The following ZBTB2 variants were observed in gnomAD, a reference collection of about 807,000 sequenced individuals.
ZBTB2 encodes the protein zinc finger and BTB domain-containing protein 2.
A neutral mutation model predicts 39.5 loss-of-function variants in ZBTB2; 2 were observed. That is an observed-to-expected ratio of 0.05 (90% CI 0.02 to 0.16). ZBTB2 has a LOEUF of 0.16. ZBTB2 is among the 10% of genes least tolerant of loss of function. The probability of loss-of-function intolerance (pLI) is 1.00; values close to 1 mark genes in which losing one functional copy is unlikely to be tolerated. For missense variants in ZBTB2, 391 were observed against 653.0 expected, an observed-to-expected ratio of 0.60 and a Z score of 4.37; for synonymous variants, 251 against 256.6, an observed-to-expected ratio of 0.98 and a Z score of 0.21.
chr6:151,384,629 A>G (rs552665424), intron 1 of ZBTB2, among the ~76,000 whole-genome samples: 74 of 152,164 alleles, frequency 4.9e-4, no homozygotes, highest in African/African-American at 1.7e-3. Flanking sequence ...GCCCTCCAAC[A>G]GGAGGGAACA....
chr6:151,366,529 C>T lies in ZBTB2; in HGVS notation c.537G>A (p.Gln179=), dbSNP rs372893716. The change falls in exon 3 of 3, where the codon CAG becomes CAA. Residue 179 remains glutamine (Q), a synonymous_variant. Coordinates refer to ENST00000325144, the MANE Select transcript of ZBTB2 (RefSeq NM_020861.3). The surrounding 1 kb of genome is among the most constrained non-coding windows in gnomAD (Gnocchi z 7.1). ...TCACCTGGGCCAGATTTGAAGTCAG[C>T]TGGGAGAGCTGTGAGGCCTCAGGGA... ...EQVPEASQLS[Q]LTSNLAQVNR... is the part of the protein sequence containing the mutation. 10 of 1,613,960 alleles carry T rather than the reference C, an allele frequency of 6.2e-6. No homozygotes were observed. In the African/African-American group the frequency reaches 1.3e-4, roughly 22 times the overall value.
At chr6:151,367,501 A>G (rs1431278453) in intron 2 of ZBTB2, among the ~76,000 whole-genome samples, 1 of 152,144 alleles carries the variant, frequency 6.6e-6, no homozygotes, top group Non-Finnish European at 1.5e-5. Flanking sequence ...CAACATCAGC[A>G]CTGCTCCTGG....
chr6:151,374,930 T>TAAAAAAAAAAAAA (rs71556221), intron 1 of ZBTB2, among the ~76,000 whole-genome samples: 2 of 63,838 alleles, frequency 3.1e-5, no homozygotes, highest in African/African-American at 5.7e-5. Context: ...CCGTCTCTAC[T>TAAAAAAAAAAAAA]AAAAAAAAAA....
chr6:151,366,517 A>C lies in ZBTB2; in HGVS notation c.549T>G (p.Asn183Lys). 1 of 1,614,018 alleles carries C rather than the reference A, an allele frequency of 6.2e-7. No homozygotes were observed. The highest frequency in any genetic ancestry group is 8.5e-7 in the Non-Finnish European group (1 of 1,179,994). The change falls in exon 3 of 3, where the codon AAT becomes AAG. Residue 183 changes from asparagine to lysine, a missense_variant. Transcript: ENST00000325144. This position sits in a 1 kb window ranked among gnomAD's most constrained non-coding sequence, Gnocchi z 7.1. ...EASQLSQLTSNLAQVNRTNMT... is the reference protein window; with the variant it reads ...EASQLSQLTSKLAQVNRTNMT... ...TATTTGTCCGATTCACCTGGGCCAG[A>C]TTTGAAGTCAGCTGGGAGAGCTGTG...
At chr6:151,370,639 A>G (rs894117474) in intron 2 of ZBTB2, among the ~76,000 whole-genome samples, 2 of 152,252 alleles carry the variant, frequency 1.3e-5, no homozygotes, top group Non-Finnish European at 2.9e-5. Context: ...GACATAAGAC[A>G]GGGACATCTA....
At chr6:151,379,749 A>G (rs1215504545) in intron 1 of ZBTB2, among the ~76,000 whole-genome samples, 1 of 151,626 alleles carries the variant, frequency 6.6e-6, no homozygotes, top group Admixed American at 6.6e-5. Flanking sequence ...CTTTCTTTGC[A>G]TTTGTTTATA....
intron 2 of ZBTB2, among the ~76,000 whole-genome samples, chr6:151,368,352 T>C (rs1000747546): frequency 2.6e-5 from 4 of 152,180 alleles, no homozygotes; most frequent in African/African-American, 9.7e-5. Flanking sequence ...GGTTTCACCA[T>C]GTTAGCCAGG....
In ZBTB2 at chr6:151,365,471, G is replaced by A. The variant is rs1368377908; in HGVS notation, c.*50C>T. ...ACAGTTCTGAATTCAGGGAAGGGAGGGAAGATAGTCTTTGTAAAAATGAGA... is the reference window on the plus strand; with the variant it reads ...ACAGTTCTGAATTCAGGGAAGGGAGAGAAGATAGTCTTTGTAAAAATGAGA... On this transcript the variant is annotated 3_prime_UTR_variant, in exon 3 of 3. Coordinates refer to ENST00000325144, the MANE Select transcript of ZBTB2 (RefSeq NM_020861.3). This position sits in a 1 kb window ranked among gnomAD's most constrained non-coding sequence, Gnocchi z 5.6. 2 of 1,542,738 alleles carry A rather than the reference G, an allele frequency of 1.3e-6. No homozygotes were observed. Among genetic ancestry groups the A allele is most frequent in the Non-Finnish European group, 1.7e-6 (2 of 1,145,994 alleles).
intron 2 of ZBTB2, among the ~76,000 whole-genome samples, chr6:151,371,869 C>T (rs1304618604): frequency 6.6e-6 from 1 of 152,106 alleles, no homozygotes; most frequent in Non-Finnish European, 1.5e-5. Flanking sequence ...TTGAAGAAAA[C>T]ATGATTTGGG....
intron 1 of ZBTB2, among the ~76,000 whole-genome samples, chr6:151,384,415 G>A (rs922687071): frequency 6.6e-6 from 1 of 152,132 alleles, no homozygotes; most frequent in African/African-American, 2.4e-5. Flanking sequence ...TGGTCTAGAG[G>A]AGACAACTGC....
intron 1 of ZBTB2, among the ~76,000 whole-genome samples, chr6:151,390,602 A>G (rs1427460906): frequency 6.6e-6 from 1 of 150,968 alleles, no homozygotes. Context: ...AGCCGGAGAC[A>G]GCGCGAGACC....
At position 151,378,514 on chromosome 6, in the gene ZBTB2, C is replaced by A. The variant is rs1249271387; in HGVS notation, c.-12-4865G>T. On this transcript the variant is annotated intron_variant, in intron 1 of 2. Coordinates refer to ENST00000325144, the MANE Select transcript of ZBTB2 (RefSeq NM_020861.3). The stretch of plus-strand genomic sequence containing the variant: ...GAGAACTGCTGGGTTGCAAAAGTAA[C>A]CTGGATTACAGAGAAACATCACTCT... Among the ~76,000 whole-genome samples the A allele has an allele frequency of 4.6e-5, 7 of 152,176 alleles. No individual in the cohort carries two copies. In the South Asian group the frequency reaches 1.4e-3, roughly 32 times the overall value.
chr6:151,373,210 T>C (rs956911355), intron 2 of ZBTB2, among the ~76,000 whole-genome samples: 1 of 127,132 alleles, frequency 7.9e-6, no homozygotes, highest in Admixed American at 8.6e-5. Flanking sequence ...ATTTTGCAGA[T>C]CCTGACCATG....
At chr6:151,372,929 C>A (rs1778815933) in intron 2 of ZBTB2, among the ~76,000 whole-genome samples, 1 of 151,758 alleles carries the variant, frequency 6.6e-6, no homozygotes, top group Admixed American at 6.6e-5. Context: ...CCGAGGCGGG[C>A]AGATCACGAG....
At chr6:151,380,186 C>T (rs1053119572) in intron 1 of ZBTB2, among the ~76,000 whole-genome samples, 1 of 151,776 alleles carries the variant, frequency 6.6e-6, no homozygotes, top group Admixed American at 6.6e-5. Flanking sequence ...GTCGCATGTT[C>T]AAAATTCACG....
Position 151,366,612 on chromosome 6 carries a change from G to T in ZBTB2, c.454C>A (p.Pro152Thr). The stretch of plus-strand genomic sequence containing the variant: ...CGTGGATCTCGCCCGAGTTTTTCAG[G>T]TGCTGAAGCAATCTTGGTGGCTTGT... ...LRQATKIASA[P>T]EKLGRDPRPQ... The change falls in exon 3 of 3, where the codon CCT becomes ACT. Residue 152 changes from proline to threonine, a missense_variant. Physicochemically the swap from Pro to Thr is conservative, Grantham distance 38. Transcript: ENST00000325144. This position sits in a 1 kb window ranked among gnomAD's most constrained non-coding sequence, Gnocchi z 7.1. 6.2e-7 allele frequency: 1 copy of T among 1,614,132 alleles called. No homozygotes were observed. Among genetic ancestry groups the T allele is most frequent in the Non-Finnish European group, 8.5e-7 (1 of 1,180,032 alleles).
chr6:151,382,265 C>CT (rs1554337412), intron 1 of ZBTB2, among the ~76,000 whole-genome samples: 1 of 151,762 alleles, frequency 6.6e-6, no homozygotes, highest in African/African-American at 2.4e-5. Flanking sequence ...TTTCTTTTTC[C>CT]TTTTTTTTAG....
chr6:151,371,037 C>G (rs7773130), intron 2 of ZBTB2, among the ~76,000 whole-genome samples: 11 of 152,180 alleles, frequency 7.2e-5, no homozygotes, highest in Admixed American at 1.3e-4. Context: ...ATTAAAATTG[C>G]CTCCTTTTCA....
chr6:151,377,535 ATTTTTT>A (rs769474299), intron 1 of ZBTB2, among the ~76,000 whole-genome samples: 3 of 103,446 alleles, frequency 2.9e-5, no homozygotes, highest in African/African-American at 8.6e-5. Context: ...TGTCTGGCTA[ATTTTTT>A]TTTTTTTTTT....
Sources: gnomAD v4.1 joint callset for allele counts (sites outside exome capture counted in the v4.1 genomes callset) on GRCh38, gnomAD v4.1.1 for gene constraint, Gnocchi (gnomAD v3.1) non-coding constraint, MANE v1.5 for transcripts, NCBI Gene and HGNC (gene_info 2026-07-23, HGNC 2026-07-21) for gene names.